The following RIMKLB variants were observed in gnomAD, a reference collection of about 807,000 sequenced individuals.
RIMKLB encodes ribosomal modification protein rimK like family member B, also known as beta-citrylglutamate synthase B.
Under a neutral mutation model 32.0 loss-of-function variants are expected in RIMKLB, and 7 were observed. The observed-to-expected ratio is 0.22, with a 90% CI of 0.12 to 0.41. RIMKLB has a LOEUF of 0.41. Among genes scored for constraint, RIMKLB ranks in the 10% least tolerant of loss-of-function variants. RIMKLB has a pLI of 1.00. For synonymous variants in RIMKLB, 172 were observed against 185.1 expected, an observed-to-expected ratio of 0.93 and a Z score of 0.57; for missense variants, 289 against 498.7, an observed-to-expected ratio of 0.58 and a Z score of 4.00.
chr12:8,736,277 A>G (rs1946997072), intron 2 of RIMKLB, among the ~76,000 whole-genome samples: 2 of 152,218 alleles, frequency 1.3e-5, no homozygotes, highest in African/African-American at 4.8e-5. Flanking sequence ...TCTTTCTCCA[A>G]GCAGTTAAAA....
intron 1 of RIMKLB, among the ~76,000 whole-genome samples, chr12:8,708,675 T>C (rs1213297731): frequency 6.6e-6 from 1 of 152,212 alleles, no homozygotes; most frequent in Non-Finnish European, 1.5e-5. Flanking sequence ...AACAAAGTGG[T>C]ACTTTCTAAA....
chr12:8,773,493 T>C lies in RIMKLB; in HGVS notation c.870T>C (p.Ala290=). 6.2e-7 allele frequency: 1 copy of C among 1,614,252 alleles called. No individual in the cohort carries two copies. Among genetic ancestry groups the C allele is most frequent in the East Asian group, 2.2e-5 (1 of 44,890 alleles). Residue 290 remains alanine (A), a synonymous_variant, in exon 6 of 6, where the codon GCT becomes GCC. Transcript: ENST00000535829. ...ANVGFIAFDK[A]CNLDVAGIIA... ...TAGGTTTCATCGCCTTTGATAAGGC[T>C]TGTAATCTAGATGTAGCTGGTATCA...
At chr12:8,772,677 C>G (rs1310436152) in intron 5 of RIMKLB, among the ~76,000 whole-genome samples, 1 of 152,226 alleles carries the variant, frequency 6.6e-6, no homozygotes, top group Non-Finnish European at 1.5e-5. Flanking sequence ...CATCCTCACT[C>G]CTATGGATAC....
intron 5 of RIMKLB, among the ~76,000 whole-genome samples, chr12:8,755,894 C>T (rs1030875356): frequency 7.9e-5 from 12 of 152,088 alleles, no homozygotes; most frequent in African/African-American, 2.9e-4. Context: ...TGGCCCAAAC[C>T]TGTAATTCCA....
At chr12:8,687,560 TC>T (rs1565538826) in intron 1 of RIMKLB, among the ~76,000 whole-genome samples, 1 of 152,226 alleles carries the variant, frequency 6.6e-6, no homozygotes, top group Non-Finnish European at 1.5e-5. Context: ...CTCTGCTCTC[TC>T]GTCTTTCCTT....
chr12:8,702,007 A>AT (rs1414651450), intron 1 of RIMKLB, among the ~76,000 whole-genome samples: 4 of 149,966 alleles, frequency 2.7e-5, no homozygotes, highest in East Asian at 1.9e-4. Context: ...CTCCATCTCA[A>AT]TAAAAAAAAA....
intron 5 of RIMKLB, among the ~76,000 whole-genome samples, chr12:8,755,677 T>C (rs925988375): frequency 5.9e-5 from 9 of 152,152 alleles, no homozygotes; most frequent in African/African-American, 7.2e-5. Context: ...ATATGACGGA[T>C]GCTTTTACAT....
intron 2 of RIMKLB, among the ~76,000 whole-genome samples, chr12:8,728,288 A>G (rs1174274896): frequency 6.6e-6 from 1 of 152,132 alleles, no homozygotes; most frequent in African/African-American, 2.4e-5. Flanking sequence ...GCCTTTTCAG[A>G]TAACTTGTAT....
At chr12:8,741,988 C>T (rs952518210) in intron 2 of RIMKLB, among the ~76,000 whole-genome samples, 1 of 149,964 alleles carries the variant, frequency 6.7e-6, no homozygotes, top group African/African-American at 2.5e-5. Context: ...GCAACTTCCG[C>T]CTCCCAGGTT....
intron 2 of RIMKLB, 159 bp downstream of exon 2, chr12:8,714,200 C>A: frequency 1.7e-6 from 1 of 575,940 alleles, no homozygotes; most frequent in Non-Finnish European, 3.0e-6. Context: ...AATATAAACA[C>A]TAATATTTAT....
intron 5 of RIMKLB, among the ~76,000 whole-genome samples, chr12:8,755,225 A>G (rs1948921334): frequency 6.6e-6 from 1 of 151,878 alleles, no homozygotes; most frequent in South Asian, 2.1e-4. Flanking sequence ...TGCTGGGATT[A>G]CAGGCATGAG....
intron 2 of RIMKLB, among the ~76,000 whole-genome samples, chr12:8,728,978 C>T (rs1048658249): frequency 1.3e-5 from 2 of 152,100 alleles, no homozygotes; most frequent in Non-Finnish European, 2.9e-5. Context: ...CTTACTGCTC[C>T]ACCCCTCATG....
At chr12:8,749,019 C>A (rs1002545901) in intron 2 of RIMKLB, among the ~76,000 whole-genome samples, 1 of 152,078 alleles carries the variant, frequency 6.6e-6, no homozygotes, top group African/African-American at 2.4e-5. Flanking sequence ...GATAAATGTT[C>A]AAGAAACATT....
chr12:8,685,953 G>GC (rs1484558263), intron 1 of RIMKLB, among the ~76,000 whole-genome samples: 4 of 152,010 alleles, frequency 2.6e-5, no homozygotes, highest in African/African-American at 7.2e-5. Context: ...GACTACAAGC[G>GC]CCCACCACCA....
At chr12:8,782,627 G>GAAAT (rs1592069558) in intron 7 of RIMKLB, among the ~76,000 whole-genome samples, 2 of 152,110 alleles carry the variant, frequency 1.3e-5, no homozygotes, top group East Asian at 3.8e-4. Context: ...ATAAATTTGG[G>GAAAT]AAATAAGGTT....
intron 5 of RIMKLB, among the ~76,000 whole-genome samples, chr12:8,756,648 T>C (rs996825662): frequency 6.6e-6 from 1 of 151,682 alleles, no homozygotes; most frequent in African/African-American, 2.4e-5. Flanking sequence ...ACAGTGAAGA[T>C]TTGAAAGATA....
intron 3 of RIMKLB, among the ~76,000 whole-genome samples, chr12:8,750,977 C>T (rs1158225645): frequency 1.3e-5 from 2 of 152,108 alleles, no homozygotes; most frequent in African/African-American, 4.8e-5. Flanking sequence ...CTTGTCCTCT[C>T]CTTATTGTTA....
At chr12:8,740,007 C>T (rs1354282160) in intron 2 of RIMKLB, among the ~76,000 whole-genome samples, 1 of 152,104 alleles carries the variant, frequency 6.6e-6, no homozygotes, top group Non-Finnish European at 1.5e-5. Context: ...CTCTTGGGTT[C>T]AAGCAGTTCT....
chr12:8,694,360 G>A (rs929265138), upstream of RIMKLB, among the ~76,000 whole-genome samples: 10 of 150,330 alleles, frequency 6.7e-5, no homozygotes, highest in Non-Finnish European at 1.5e-4. Flanking sequence ...TTACAGGTGT[G>A]AGCCATCACA....
Sources: allele counts gnomAD v4.1 joint callset (sites outside exome capture counted in the v4.1 genomes callset), GRCh38; gene constraint gnomAD v4.1.1; transcripts MANE v1.5; gene names NCBI Gene and HGNC (gene_info 2026-07-23, HGNC 2026-07-21).